The following C15orf61 variants were observed in gnomAD, a reference collection of about 807,000 sequenced individuals.
C15orf61 encodes the protein chromosome 15 open reading frame 61, also known as uncharacterized protein C15orf61.
A neutral mutation model predicts 13.7 loss-of-function variants in C15orf61; 12 were observed. The observed-to-expected ratio is 0.88, with a 90% confidence interval of 0.56 to 1.42. The LOEUF (loss-of-function observed/expected upper bound fraction) is 1.42. Ranked by LOEUF, C15orf61 falls within the 40% of genes most tolerant of loss-of-function variation. C15orf61 has a pLI of 0.00. For missense variants in C15orf61, 248 were observed against 213.2 expected, an observed-to-expected ratio of 1.16 and a Z score of -1.02; for synonymous variants, 92 against 94.1, an observed-to-expected ratio of 0.98 and a Z score of 0.13.
rs938133972 is a variant in C15orf61 at position 67,521,419 on chromosome 15, C to T, written c.171C>T (p.Ala57=). ...HWTSFCVPYS[A]VRNDQFGLSH... ...CCTCCTTCTGCGTGCCCTACAGCGC[C>T]GTCCGCAACGACCAGTTCGGCCTCT... Residue 57 remains alanine, a synonymous_variant, in exon 1 of 2, where the codon GCC becomes GCT. Coordinates refer to ENST00000342683, the MANE Select transcript of C15orf61 (RefSeq NM_001143936.2). 2.6e-6 allele frequency: 4 copies of T among 1,545,288 alleles called. No individual in the cohort carries two copies. The highest frequency in any genetic ancestry group is 3.5e-6 in the Non-Finnish European group (4 of 1,146,698).
Position 67,526,417 on chromosome 15 carries a change from G to A in C15orf61, c.347-1G>A, listed in dbSNP as rs2084199110. On this transcript the variant is annotated splice_acceptor_variant, in intron 1 of 1. Transcript: ENST00000342683. LOFTEE classifies it high-confidence loss of function. ...TTTATACATATTCGTTTGTTTTCTA[G>A]GTATTCCAACTTTATTATATGGACT... 6.6e-7 allele frequency: 1 copy of A among 1,516,786 alleles called. No homozygotes were observed. The highest frequency in any genetic ancestry group is 8.9e-7 in the Non-Finnish European group (1 of 1,119,740). The allele number at this position is 1,516,786 out of a possible 1,614,324, so 94.0% of individuals were successfully genotyped here.
Position 67,526,518 on chromosome 15 carries a change from TAAAG to T in C15orf61, c.450_453del (p.Glu151MetfsTer14). 6.5e-7 allele frequency: 1 copy of T among 1,537,952 alleles called. No individual in the cohort carries two copies. Among genetic ancestry groups the T allele is most frequent in the South Asian group, 1.2e-5 (1 of 80,606 alleles). ...GACCCATAACAGTTTATTTTCTCAA[TAAAG>T]AAGATGAAGGTGCCATGTATTGAAA... On this transcript the variant is annotated frameshift_variant, in exon 2 of 2. Transcript: ENST00000342683. LOFTEE classifies it high-confidence loss of function.
In C15orf61 at chr15:67,525,478, T is replaced by C. The variant is rs966046547; in HGVS notation, c.347-940T>C. Among the ~76,000 whole-genome samples the C allele has an allele frequency of 1.3e-5, 2 of 152,222 alleles. No individual in the cohort carries two copies. The highest frequency in any genetic ancestry group is 6.5e-5 in the Admixed American group (1 of 15,288). ...CTAATCTCAAAGCAGCAAAATCTTATCAATTCCAAAGAAGAAACACATGTT... is the reference window on the plus strand; with the variant it reads ...CTAATCTCAAAGCAGCAAAATCTTACCAATTCCAAAGAAGAAACACATGTT... On this transcript the variant is annotated intron_variant, in intron 1 of 1. Coordinates refer to ENST00000342683, the MANE Select transcript of C15orf61 (RefSeq NM_001143936.2). This position sits in a 1 kb window ranked among gnomAD's most constrained non-coding sequence, Gnocchi z 4.9.
At position 67,528,530 on chromosome 15, in the gene C15orf61, A is replaced by T. The variant is rs1015000118; in HGVS notation, c.*1985A>T. On this transcript the variant is annotated 3_prime_UTR_variant, in exon 2 of 2. Transcript: ENST00000342683. ...CAATGGGTAAAGGCGTGGTTTAAAAATTTAAATATCATTCATTGGATTTAT... is the reference window on the plus strand; with the variant it reads ...CAATGGGTAAAGGCGTGGTTTAAAATTTTAAATATCATTCATTGGATTTAT... 6.6e-6 allele frequency: 1 copy of T among 152,238 alleles called. No individual in the cohort carries two copies. Among genetic ancestry groups the T allele is most frequent in the Admixed American group, 6.5e-5 (1 of 15,282 alleles). 9.4% of individuals were successfully genotyped at this position (152,238 alleles called of 1,614,324 possible).
At chr15:67,524,837 GTTT>G (rs374398669) in intron 1 of C15orf61, among the ~76,000 whole-genome samples, 1 of 122,810 alleles carries the variant, frequency 8.1e-6, no homozygotes. Flanking sequence ...TTTTTTGTTT[GTTT>G]TTTTTTTTTT....
At position 67,526,828 on chromosome 15, in the gene C15orf61, A is replaced by G; in HGVS notation, c.*283A>G. The G allele has an allele frequency of 4.6e-6, 1 of 218,994 alleles. No homozygotes were observed. 13.6% of individuals were successfully genotyped at this position (218,994 alleles called of 1,614,324 possible). On this transcript the variant is annotated 3_prime_UTR_variant, in exon 2 of 2. Transcript: ENST00000342683. ...AGATAAAAAATGATTACAATGTAATAGATTCTATAGTTAATTAACAATTTA... is the reference window on the plus strand; with the variant it reads ...AGATAAAAAATGATTACAATGTAATGGATTCTATAGTTAATTAACAATTTA...
chr15:67,521,672 A>T (rs1240697612), intron 1 of C15orf61, 78 bp downstream of exon 1: 1 of 1,319,106 alleles, frequency 7.6e-7, no homozygotes, highest in African/African-American at 1.5e-5. Context: ...CACGTGACGA[A>T]CGCTCGCAGG....
At position 67,529,193 on chromosome 15, in the gene C15orf61, G is replaced by T. The variant is rs1010719475; in HGVS notation, c.*2648G>T. 6.6e-6 allele frequency: 1 copy of T among 152,006 alleles called. No homozygotes were observed. Among genetic ancestry groups the T allele is most frequent in the African/African-American group, 2.4e-5 (1 of 41,360 alleles). The allele number at this position is 152,006 out of a possible 1,614,324, so 9.4% of individuals were successfully genotyped here. A position where few individuals can be genotyped will look rare whatever the true frequency, so the allele number is the denominator to read the frequency against. On this transcript the variant is annotated 3_prime_UTR_variant, in exon 2 of 2. Transcript: ENST00000342683. This position sits in a 1 kb window ranked among gnomAD's most constrained non-coding sequence, Gnocchi z 4.4. Reference sequence around the variant, plus strand: ...TATTTCTATACAAATGAATTATCACGTATTGGAATAAATTTCTAGGCAAAT... The same window carrying T: ...TATTTCTATACAAATGAATTATCACTTATTGGAATAAATTTCTAGGCAAAT...
Position 67,527,736 on chromosome 15 carries a change from A to G in C15orf61, c.*1191A>G, listed in dbSNP as rs1207002569. 1 of 152,250 alleles carries G rather than the reference A, an allele frequency of 6.6e-6. No homozygotes were observed. The highest frequency in any genetic ancestry group is 2.4e-5 in the African/African-American group (1 of 41,474). 9.4% of individuals were successfully genotyped at this position (152,250 alleles called of 1,614,324 possible). On this transcript the variant is annotated 3_prime_UTR_variant, in exon 2 of 2. Transcript: ENST00000342683. ...AAGTGACTGAGGTGAAGGCACCAGA[A>G]TAATGAAGTAATACAAACTAGCTTC...
At position 67,525,422 on chromosome 15, in the gene C15orf61, T is replaced by C. The variant is rs1333026216; in HGVS notation, c.347-996T>C. Among the ~76,000 whole-genome samples the C allele has an allele frequency of 6.6e-6, 1 of 152,256 alleles. No individual in the cohort carries two copies. Among genetic ancestry groups the C allele is most frequent in the Non-Finnish European group, 1.5e-5 (1 of 68,042 alleles). On this transcript the variant is annotated intron_variant, in intron 1 of 1. Transcript: ENST00000342683. The surrounding 1 kb of genome is among the most constrained non-coding windows in gnomAD (Gnocchi z 4.9). ...GTGCTTAATACATATCTCTGGATAG[T>C]GTGTTTAGTTTCATGTATCACAAAT...
rs941495591 is a variant in C15orf61 at position 67,529,018 on chromosome 15, C to T, written c.*2473C>T. On this transcript the variant is annotated 3_prime_UTR_variant, in exon 2 of 2. Transcript: ENST00000342683. This position sits in a 1 kb window ranked among gnomAD's most constrained non-coding sequence, Gnocchi z 4.4. ...TGTGGGGAGCTGAAGAGGCCCTTCT[C>T]TTCTGCATATCAGTAGTTTTCTTAA... 1.3e-5 allele frequency: 2 copies of T among 152,178 alleles called. No individual in the cohort carries two copies. The highest frequency in any genetic ancestry group is 2.9e-5 in the Non-Finnish European group (2 of 68,034). 9.4% of individuals were successfully genotyped at this position (152,178 alleles called of 1,614,324 possible).
At chr15:67,524,376 CT>C (rs547655915) in intron 1 of C15orf61, among the ~76,000 whole-genome samples, 2 of 149,812 alleles carry the variant, frequency 1.3e-5, no homozygotes, top group Non-Finnish European at 2.9e-5. Context: ...CCTCCCACCC[CT>C]GAGCCACTTG....
intron 1 of C15orf61, among the ~76,000 whole-genome samples, chr15:67,524,445 G>C (rs1340335521): frequency 6.6e-6 from 1 of 151,332 alleles, no homozygotes; most frequent in Non-Finnish European, 1.5e-5. Context: ...TCTAGTTTTT[G>C]TGGATTTTTT....
At position 67,527,963 on chromosome 15, in the gene C15orf61, A is replaced by G. The variant is rs1882613621; in HGVS notation, c.*1418A>G. On this transcript the variant is annotated 3_prime_UTR_variant, in exon 2 of 2. Transcript: ENST00000342683. The stretch of plus-strand genomic sequence containing the variant: ...AGATAGTGTTACATTAAGCTTCATT[A>G]ATAATAAAACAACTGGCTATTAGCA... The G allele has an allele frequency of 2.0e-5, 3 of 152,240 alleles. No individual in the cohort carries two copies. Among genetic ancestry groups the G allele is most frequent in the African/African-American group, 7.2e-5 (3 of 41,458 alleles). The allele number at this position is 152,240 out of a possible 1,614,324, so 9.4% of individuals were successfully genotyped here. A position where few individuals can be genotyped will look rare whatever the true frequency, so the allele number is the denominator to read the frequency against.
chr15:67,521,709 C>G, intron 1 of C15orf61, 115 bp downstream of exon 1: 2 of 1,108,176 alleles, frequency 1.8e-6, no homozygotes, highest in Non-Finnish European at 1.2e-6. Context: ...GGAGTCAGCT[C>G]TGCCTCCCGG....
At position 67,521,152 on chromosome 15, in the gene C15orf61, C is replaced by G. The variant is rs1445613057; in HGVS notation, c.-97C>G. 3.6e-6 allele frequency: 3 copies of G among 834,672 alleles called. No individual in the cohort carries two copies. In the East Asian group the frequency reaches 1.8e-4, roughly 51 times the overall value. The allele number at this position is 834,672 out of a possible 1,614,324, so 51.7% of individuals were successfully genotyped here. On this transcript the variant is annotated 5_prime_UTR_variant, in exon 1 of 2. Coordinates refer to ENST00000342683, the MANE Select transcript of C15orf61 (RefSeq NM_001143936.2). ...CCGCACACCGGGGGCTCTCGGGCAC[C>G]CGCGCGGCGCCGGTTGGCCTTCCCG...
At position 67,530,140 on chromosome 15, in the gene C15orf61, G is replaced by C. The variant is rs1476082403; in HGVS notation, c.*3595G>C. 1 of 152,176 alleles carries C rather than the reference G, an allele frequency of 6.6e-6. No individual in the cohort carries two copies. The highest frequency in any genetic ancestry group is 1.5e-5 in the Non-Finnish European group (1 of 68,030). The allele number at this position is 152,176 out of a possible 1,614,324, so 9.4% of individuals were successfully genotyped here. ...GATCAATGTCCAATAAAGGCTGCACGATCAAATCTTGTTGCAATGATTGAG... is the reference window on the plus strand; with the variant it reads ...GATCAATGTCCAATAAAGGCTGCACCATCAAATCTTGTTGCAATGATTGAG... On this transcript the variant is annotated 3_prime_UTR_variant, in exon 2 of 2. Coordinates refer to ENST00000342683, the MANE Select transcript of C15orf61 (RefSeq NM_001143936.2).
intron 1 of C15orf61, 110 bp downstream of exon 1, chr15:67,521,704 C>T (rs1266554774): frequency 8.8e-7 from 1 of 1,132,838 alleles, no homozygotes; most frequent in Non-Finnish European, 1.2e-6. Context: ...CCGCGGGAGT[C>T]AGCTCTGCCT....
At position 67,526,589 on chromosome 15, in the gene C15orf61, G is replaced by C; in HGVS notation, c.*44G>C. Reference sequence around the variant, plus strand: ...ATAAATATCAGTGGATTTTCTCTGTGTATATGTGCAGTATTTATTTTTGAT... The same window carrying C: ...ATAAATATCAGTGGATTTTCTCTGTCTATATGTGCAGTATTTATTTTTGAT... On this transcript the variant is annotated 3_prime_UTR_variant, in exon 2 of 2. Coordinates refer to ENST00000342683, the MANE Select transcript of C15orf61 (RefSeq NM_001143936.2). 1 of 1,434,086 alleles carries C rather than the reference G, an allele frequency of 7.0e-7. No homozygotes were observed. The highest frequency in any genetic ancestry group is 9.3e-7 in the Non-Finnish European group (1 of 1,081,010). The allele number at this position is 1,434,086 out of a possible 1,614,324, so 88.8% of individuals were successfully genotyped here.
Sources: allele counts gnomAD v4.1 joint callset (sites outside exome capture counted in the v4.1 genomes callset), GRCh38; gene constraint gnomAD v4.1.1; non-coding constraint Gnocchi (gnomAD v3.1); transcripts MANE v1.5; gene names NCBI Gene and HGNC (gene_info 2026-07-23, HGNC 2026-07-21).